The following SCAMP1 variants were observed in gnomAD, a reference collection of about 807,000 sequenced individuals.
SCAMP1 encodes secretory carrier-associated membrane protein 1.
SCAMP1 carries 15 observed loss-of-function variants against 41.8 expected under a neutral mutation model. The observed-to-expected ratio is 0.36, with a 90% CI of 0.24 to 0.55. SCAMP1 has a LOEUF of 0.55. SCAMP1 is among the 20% of genes least tolerant of loss of function. The pLI is 0.86. For missense variants in SCAMP1, 341 were observed against 412.6 expected, an observed-to-expected ratio of 0.83 and a Z score of 1.50; for synonymous variants, 135 against 136.8, an observed-to-expected ratio of 0.99 and a Z score of 0.09.
intron 8 of SCAMP1, among the ~76,000 whole-genome samples, chr5:78,471,918 T>A (rs1179767950): frequency 6.6e-6 from 1 of 152,110 alleles, no homozygotes; most frequent in Non-Finnish European, 1.5e-5. Flanking sequence ...AGCTAGAAAG[T>A]AGTGGAATTA....
At chr5:78,454,267 C>T (rs1032584224) in intron 7 of SCAMP1, among the ~76,000 whole-genome samples, 20 of 152,288 alleles carry the variant, frequency 1.3e-4, no homozygotes, top group African/African-American at 4.8e-4. Context: ...TGCCAGTTTT[C>T]AAAGGGAATG....
chr5:78,366,478 A>T (rs11746881), intron 1 of SCAMP1, among the ~76,000 whole-genome samples: 4 of 151,886 alleles, frequency 2.6e-5, no homozygotes, highest in Admixed American at 2.6e-4. Context: ...TATTAATCCC[A>T]TTCTTGAGAG....
intron 6 of SCAMP1, among the ~76,000 whole-genome samples, chr5:78,431,972 T>G (rs1752636029): frequency 6.6e-6 from 1 of 152,116 alleles, no homozygotes; most frequent in South Asian, 2.1e-4. Context: ...TACAAACAAT[T>G]TAGTTATACT....
intron 7 of SCAMP1, among the ~76,000 whole-genome samples, chr5:78,458,641 G>T (rs1427493179): frequency 1.3e-5 from 2 of 152,108 alleles, no homozygotes; most frequent in African/African-American, 4.8e-5. Flanking sequence ...TCCCAGTTTG[G>T]GAGGCCGAGT....
intron 2 of SCAMP1, among the ~76,000 whole-genome samples, chr5:78,393,283 A>C (rs6896393): frequency 0.67 from 101,780 of 151,960 alleles, 34,990 homozygotes; most frequent in Admixed American, 0.74. Context: ...CTCAAGCGAT[A>C]CTCCTGCCTC....
At chr5:78,401,164 C>T (rs925478199) in intron 2 of SCAMP1, among the ~76,000 whole-genome samples, 1 of 151,964 alleles carries the variant, frequency 6.6e-6, no homozygotes, top group Admixed American at 6.5e-5. Flanking sequence ...AATGTTGAAC[C>T]AGCCTAGGAT....
intron 1 of SCAMP1, 34 bp downstream of exon 1, chr5:78,360,762 G>A (rs750315402): frequency 1.9e-6 from 3 of 1,584,136 alleles, no homozygotes; most frequent in South Asian, 1.1e-5. Flanking sequence ...CTGCCGCCGC[G>A]ACGCGTCGTT....
chr5:78,433,945 C>T (rs1406933851), intron 6 of SCAMP1, among the ~76,000 whole-genome samples: 1 of 152,036 alleles, frequency 6.6e-6, no homozygotes, highest in African/African-American at 2.4e-5. Context: ...ATTTTTTTTC[C>T]TGTGCCCTTT....
chr5:78,362,733 C>T (rs1411293996), intron 1 of SCAMP1, among the ~76,000 whole-genome samples: 1 of 152,030 alleles, frequency 6.6e-6, no homozygotes, highest in Non-Finnish European at 1.5e-5. Context: ...TCACCTGCCC[C>T]TCCTCCTCAC....
At chr5:78,461,810 C>T (rs528748899) in intron 8 of SCAMP1, among the ~76,000 whole-genome samples, 15 of 152,154 alleles carry the variant, frequency 9.9e-5, no homozygotes, top group East Asian at 7.7e-4. Flanking sequence ...GTGATCCGCC[C>T]GCCTCAGCCT....
At chr5:78,428,212 T>A (rs2362829) in intron 6 of SCAMP1, among the ~76,000 whole-genome samples, 115,701 of 152,054 alleles carry the variant, frequency 0.76, 44,637 homozygotes, top group African/African-American at 0.84. Flanking sequence ...ATTTTTGTTT[T>A]TTGTGTATGA....
intron 1 of SCAMP1, among the ~76,000 whole-genome samples, chr5:78,369,660 A>AT (rs1310850359): frequency 6.6e-6 from 1 of 152,160 alleles, no homozygotes; most frequent in Non-Finnish European, 1.5e-5. Flanking sequence ...CCTTCAATTT[A>AT]TTTTTTTAAA....
chr5:78,391,207 C>T (rs1442706487), intron 2 of SCAMP1, among the ~76,000 whole-genome samples: 13 of 151,850 alleles, frequency 8.6e-5, no homozygotes, highest in Non-Finnish European at 1.2e-4. Flanking sequence ...CAGAGGGGCT[C>T]CTCACTTCCC....
At chr5:78,379,754 G>A (rs905337562) in intron 1 of SCAMP1, among the ~76,000 whole-genome samples, 2 of 152,218 alleles carry the variant, frequency 1.3e-5, no homozygotes, top group Non-Finnish European at 2.9e-5. Flanking sequence ...TTAGATGTGT[G>A]TATTTGTAAA....
chr5:78,408,846 C>T (rs1751996952), intron 2 of SCAMP1, among the ~76,000 whole-genome samples: 1 of 152,060 alleles, frequency 6.6e-6, no homozygotes, highest in African/African-American at 2.4e-5. Context: ...GTGATCCTTC[C>T]ACCTCAGCCT....
chr5:78,370,645 A>T (rs893835796), intron 1 of SCAMP1: 1 of 152,214 alleles, frequency 6.6e-6, no homozygotes, highest in Non-Finnish European at 1.5e-5. Context: ...ACATTCCTGT[A>T]CAAGTGTTCT....
intron 1 of SCAMP1, among the ~76,000 whole-genome samples, chr5:78,363,571 G>C (rs1275348829): frequency 2.6e-5 from 4 of 152,174 alleles, no homozygotes; most frequent in Non-Finnish European, 4.4e-5. Context: ...TCAAGTATAT[G>C]ATATTTCGCA....
intron 7 of SCAMP1, among the ~76,000 whole-genome samples, chr5:78,458,621 C>G (rs889984062): frequency 6.6e-6 from 1 of 152,150 alleles, no homozygotes; most frequent in Non-Finnish European, 1.5e-5. Flanking sequence ...TGCAGTGGCT[C>G]ACGCTATAAT....
intron 7 of SCAMP1, among the ~76,000 whole-genome samples, chr5:78,451,779 C>T (rs112110940): frequency 1.5e-3 from 234 of 152,288 alleles, no homozygotes; most frequent in Middle Eastern, 3.4e-3. Context: ...CTCAGCCTCC[C>T]GAGTAGCTGG....
Sources: allele counts gnomAD v4.1 joint callset (sites outside exome capture counted in the v4.1 genomes callset), GRCh38; gene constraint gnomAD v4.1.1; transcripts MANE v1.5; gene names NCBI Gene and HGNC (gene_info 2026-07-23, HGNC 2026-07-21).